FBXW10B: variants seen among roughly 807,000 people sequenced by gnomAD.
FBXW10B encodes the protein F-box and WD repeat domain containing protein 10B.
the FBXW10B span, among the ~76,000 whole-genome samples, chr17:15,581,607 A>G: frequency 6.6e-6 from 1 of 151,120 alleles, no homozygotes; most frequent in Non-Finnish European, 1.5e-5. Flanking sequence ...AATGAAAGAC[A>G]ACTGAAAGTG....
At chr17:15,591,955 C>T in the FBXW10B span, among the ~76,000 whole-genome samples, 3 of 152,134 alleles carry the variant, frequency 2.0e-5, no homozygotes, top group Non-Finnish European at 2.9e-5. Flanking sequence ...AAAAGAGCTC[C>T]GGAACTTGCC....
the FBXW10B span, among the ~76,000 whole-genome samples, chr17:15,598,293 T>C: frequency 1.3e-5 from 2 of 151,672 alleles, no homozygotes; most frequent in African/African-American, 4.8e-5. Flanking sequence ...ATTTTTTTTT[T>C]CTCCTCAGCA....
At chr17:15,601,233 C>T in the FBXW10B span, among the ~76,000 whole-genome samples, 1 of 146,420 alleles carries the variant, frequency 6.8e-6, no homozygotes, top group Non-Finnish European at 1.5e-5. Context: ...CACGGTGAAA[C>T]CCCGTCTCTA....
At chr17:15,580,197 C>A in the FBXW10B span, among the ~76,000 whole-genome samples, 1 of 152,032 alleles carries the variant, frequency 6.6e-6, no homozygotes, top group African/African-American at 2.4e-5. Flanking sequence ...GAAAATTAGT[C>A]TTTTTCTGAC....
chr17:15,610,153 C>T, the FBXW10B span, among the ~76,000 whole-genome samples: 1 of 152,168 alleles, frequency 6.6e-6, no homozygotes, highest in Non-Finnish European at 1.5e-5. Context: ...TGAGCCACTG[C>T]GCCTGGCCCC....
chr17:15,576,007 T>C, the FBXW10B span, among the ~76,000 whole-genome samples: 1 of 152,200 alleles, frequency 6.6e-6, no homozygotes, highest in Non-Finnish European at 1.5e-5. Context: ...TTCTTAATAT[T>C]TACCAAGTCT....
chr17:15,594,644 C>T, the FBXW10B span: 170 of 1,204,832 alleles, frequency 1.4e-4, no homozygotes, highest in Non-Finnish European at 1.9e-4. Context: ...GCAGAGAACA[C>T]GATGTCTACA....
chr17:15,617,482 G>C, the FBXW10B span, among the ~76,000 whole-genome samples: 2 of 152,184 alleles, frequency 1.3e-5, no homozygotes, highest in Non-Finnish European at 2.9e-5. Flanking sequence ...GATACAGTTT[G>C]GATATTTGTC....
chr17:15,616,495 G>A, the FBXW10B span, among the ~76,000 whole-genome samples: 63,039 of 151,368 alleles, frequency 0.42, 16,209 homozygotes, highest in African/African-American at 0.72. Context: ...TTAAGAGAGA[G>A]TCTGCTCTAA....
chr17:15,583,661 C>A, the FBXW10B span, among the ~76,000 whole-genome samples: 9 of 151,070 alleles, frequency 6.0e-5, no homozygotes, highest in Non-Finnish European at 1.0e-4. Context: ...CTCAGCAGAC[C>A]CAGGAAAGAA....
chr17:15,599,058 C>G, the FBXW10B span, among the ~76,000 whole-genome samples: 2 of 151,760 alleles, frequency 1.3e-5, no homozygotes, highest in Non-Finnish European at 2.9e-5. Context: ...ACCTATAATC[C>G]CAGCTACTCA....
chr17:15,591,949 G>C, the FBXW10B span, among the ~76,000 whole-genome samples: 2 of 152,132 alleles, frequency 1.3e-5, no homozygotes, highest in African/African-American at 4.8e-5. Context: ...ATAGACAAAA[G>C]AGCTCCGGAA....
chr17:15,589,238 A>C, the FBXW10B span: 2 of 1,613,360 alleles, frequency 1.2e-6, no homozygotes, highest in African/African-American at 1.3e-5. Flanking sequence ...CTGTGGATGC[A>C]GAGTAAAGAG....
At chr17:15,581,700 G>C in the FBXW10B span, among the ~76,000 whole-genome samples, 4 of 151,856 alleles carry the variant, frequency 2.6e-5, no homozygotes, top group Admixed American at 2.6e-4. Flanking sequence ...GGCCAGATGG[G>C]GACCAGCATC....
the FBXW10B span, chr17:15,588,952 A>G: frequency 6.2e-7 from 1 of 1,613,760 alleles, no homozygotes; most frequent in Non-Finnish European, 8.5e-7. Flanking sequence ...GGGGCTCTTC[A>G]ACATTTTCCT....
chr17:15,602,578 A>G, the FBXW10B span, among the ~76,000 whole-genome samples: 1 of 134,020 alleles, frequency 7.5e-6, no homozygotes, highest in African/African-American at 2.9e-5. Context: ...ATAAACTGAT[A>G]TTTTATTACA....
the FBXW10B span, among the ~76,000 whole-genome samples, chr17:15,575,675 A>G: frequency 1.3e-5 from 2 of 149,644 alleles, no homozygotes; most frequent in Non-Finnish European, 2.9e-5. Context: ...CCTCCAGCTG[A>G]GTTCCCTGTC....
the FBXW10B span, among the ~76,000 whole-genome samples, chr17:15,602,869 C>T: frequency 0.016 from 1,938 of 120,572 alleles, 398 homozygotes; most frequent in East Asian, 0.05. Flanking sequence ...CCTCGTGATC[C>T]GCCCGCCTCG....
At chr17:15,612,160 A>T in the FBXW10B span, among the ~76,000 whole-genome samples, 2 of 152,174 alleles carry the variant, frequency 1.3e-5, no homozygotes, top group Admixed American at 1.3e-4. Context: ...AACCCTGAGA[A>T]GACAACCAAA....
Sources: allele counts gnomAD v4.1 joint callset (sites outside exome capture counted in the v4.1 genomes callset), GRCh38; gene constraint gnomAD v4.1.1; transcripts MANE v1.5; gene names NCBI Gene and HGNC (gene_info 2026-07-23, HGNC 2026-07-21).